IL20RB: variants seen among roughly 807,000 people sequenced by gnomAD.
IL20RB encodes interleukin 20 receptor subunit beta.
Under a neutral mutation model 33.3 loss-of-function variants are expected in IL20RB, and 21 were observed. That is an observed-to-expected ratio of 0.63 (90% CI 0.45 to 0.91). IL20RB has a LOEUF of 0.91. Ranked by LOEUF, IL20RB falls within the 40% of genes least tolerant of loss-of-function variation. The pLI, the probability that IL20RB is intolerant of heterozygous loss-of-function variation, is 0.00. For synonymous variants in IL20RB, 147 were observed against 146.8 expected (o/e 1.00, Z -0.01); for missense variants, 345 against 384.8 (o/e 0.90, Z 0.86).
chr3:136,980,668 C>T, intron 2 of IL20RB, 76 bp downstream of exon 2: 4 of 1,539,678 alleles, frequency 2.6e-6, no homozygotes, highest in Non-Finnish European at 3.6e-6. Context: ...TCCTCCTGAG[C>T]CCAAGGTGGC....
chr3:136,984,719 G>T (rs1443112556), intron 3 of IL20RB, among the ~76,000 whole-genome samples: 3 of 152,108 alleles, frequency 2.0e-5, no homozygotes, highest in Non-Finnish European at 4.4e-5. Flanking sequence ...GGTGCAGATT[G>T]TGGGCTCCTT....
chr3:137,004,212 T>G (rs1239311831), intron 6 of IL20RB, among the ~76,000 whole-genome samples: 1 of 152,192 alleles, frequency 6.6e-6, no homozygotes, highest in Non-Finnish European at 1.5e-5. Flanking sequence ...GGGATATTGG[T>G]CTAAAATTCT....
chr3:137,005,440 T>C (rs773574885), intron 6 of IL20RB, among the ~76,000 whole-genome samples: 21 of 152,238 alleles, frequency 1.4e-4, no homozygotes, highest in Non-Finnish European at 2.2e-4. Context: ...TTTATGAATC[T>C]GGGTGCTCCT....
intron 3 of IL20RB, among the ~76,000 whole-genome samples, chr3:136,988,761 G>GA (rs1310813583): frequency 7.9e-4 from 116 of 147,120 alleles, no homozygotes; most frequent in South Asian, 6.2e-3. Context: ...AAAGAAACAA[G>GA]AAAAAAAAAA....
At chr3:136,960,951 C>A (rs891460917) in intron 1 of IL20RB, among the ~76,000 whole-genome samples, 2 of 152,198 alleles carry the variant, frequency 1.3e-5, no homozygotes, top group Non-Finnish European at 2.9e-5. Flanking sequence ...GCCCACTGAG[C>A]GTCCTTCAGA....
chr3:136,960,658 A>G (rs1941194343), intron 1 of IL20RB, among the ~76,000 whole-genome samples: 1 of 152,204 alleles, frequency 6.6e-6, no homozygotes, highest in Non-Finnish European at 1.5e-5. Context: ...CATTCCACAC[A>G]TTAGGGATAG....
At chr3:136,990,811 C>A (rs930627459) in intron 4 of IL20RB, among the ~76,000 whole-genome samples, 1 of 140,936 alleles carries the variant, frequency 7.1e-6, no homozygotes, top group African/African-American at 2.6e-5. Flanking sequence ...TGGGCAGGTA[C>A]AACACTGGGT....
At chr3:136,982,021 G>A (rs916816912) in intron 2 of IL20RB, 139 bp from the exon 3 acceptor site, 3 of 517,482 alleles carry the variant, frequency 5.8e-6, no homozygotes. Flanking sequence ...AGGGAGGAGA[G>A]TGGAGGAGCT....
At chr3:136,993,746 C>T (rs1942076212) in intron 5 of IL20RB, among the ~76,000 whole-genome samples, 1 of 152,130 alleles carries the variant, frequency 6.6e-6, no homozygotes, top group African/African-American at 2.4e-5. Context: ...GGTGTGGTGG[C>T]TCATGCCTGT....
chr3:136,997,481 T>G (rs1182048279), intron 6 of IL20RB, among the ~76,000 whole-genome samples: 1 of 152,204 alleles, frequency 6.6e-6, no homozygotes, highest in African/African-American at 2.4e-5. Flanking sequence ...TGTATTCAGA[T>G]TTTGTTATGA....
chr3:136,991,051 C>T (rs1942022168), intron 4 of IL20RB, among the ~76,000 whole-genome samples: 1 of 152,192 alleles, frequency 6.6e-6, no homozygotes, highest in African/African-American at 2.4e-5. Flanking sequence ...CAAGCCTCCA[C>T]AGGATCAGAT....
At position 136,982,321 on chromosome 3, in the gene IL20RB, T is replaced by C; in HGVS notation, c.377T>C (p.Ile126Thr). The C allele has an allele frequency of 6.3e-7, 1 of 1,599,644 alleles. No homozygotes were observed. Among genetic ancestry groups the C allele is most frequent in the Non-Finnish European group, 8.6e-7 (1 of 1,169,288 alleles). Residue 126 changes from isoleucine to threonine, a missense_variant, in exon 3 of 7, where the codon ATC (isoleucine) becomes ACC (threonine). By Grantham distance (89) the Ile-to-Thr change is moderately conservative. Transcript: ENST00000329582. The part of the protein sequence containing the change: ...TLGSQTSAWS[I>T]LKHPFNRNST... ...GGCTCACAGACCTCAGCCTGGAGCA[T>C]CCTGAAGCATCCCTTTAATAGAAAC... is the stretch of plus-strand genomic sequence containing the variant.
chr3:136,972,495 G>A (rs937901118), intron 1 of IL20RB, among the ~76,000 whole-genome samples: 5 of 152,018 alleles, frequency 3.3e-5, no homozygotes, highest in East Asian at 1.9e-4. Flanking sequence ...ATTATCCATC[G>A]TTAAGGTTTT....
chr3:136,987,265 C>T (rs1213002443), intron 3 of IL20RB, among the ~76,000 whole-genome samples: 7 of 151,856 alleles, frequency 4.6e-5, no homozygotes, highest in African/African-American at 1.7e-4. Flanking sequence ...GAGCTAGACA[C>T]AAAGGTTCTC....
intron 2 of IL20RB, 172 bp from the exon 3 acceptor site, chr3:136,981,988 G>T (rs1026308502): frequency 6.8e-6 from 3 of 441,198 alleles, no homozygotes; most frequent in Admixed American, 7.9e-5. Context: ...AATAAAAGGA[G>T]TAAGGGACGA....
At position 136,999,210 on chromosome 3, in the gene IL20RB, C is replaced by T. The variant is rs59964092; in HGVS notation, c.825+3654C>T. ...CTTCTGGGTTCAAGTGATCCTCCCACTTCAGCCTCTTGAGTAGTTGGGACT... is the reference window on the plus strand; with the variant it reads ...CTTCTGGGTTCAAGTGATCCTCCCATTTCAGCCTCTTGAGTAGTTGGGACT... On this transcript the variant is annotated intron_variant, in intron 6 of 6. Transcript: ENST00000329582. Among the ~76,000 whole-genome samples the T allele has an allele frequency of 5.1e-3, 776 of 152,202 alleles. 9 individuals carry two copies. Among genetic ancestry groups the T allele is most frequent in the African/African-American group, 0.018 (754 of 41,514 alleles).
chr3:136,989,440 G>A lies in IL20RB; in HGVS notation c.407-1G>A, dbSNP rs189636171. On this transcript the variant is annotated splice_acceptor_variant, in intron 3 of 6. Transcript: ENST00000329582. LOFTEE classifies it high-confidence loss of function. ...TGACTCTCCTGTTGTCTTGCCAACAGCCATCCTTACCCGACCTGGGATGGA... is the reference window on the plus strand; with the variant it reads ...TGACTCTCCTGTTGTCTTGCCAACAACCATCCTTACCCGACCTGGGATGGA... 111 of 1,613,560 alleles carry A rather than the reference G, an allele frequency of 6.9e-5. No homozygotes were observed. In the Middle Eastern group the frequency reaches 1.5e-3, roughly 22 times the overall value.
chr3:136,985,986 T>A (rs1034641754), intron 3 of IL20RB, among the ~76,000 whole-genome samples: 10 of 152,178 alleles, frequency 6.6e-5, no homozygotes, highest in Admixed American at 5.9e-4. Context: ...CTGGGCATGG[T>A]GGCTCATGCC....
Position 137,010,327 on chromosome 3 carries a change from G to C in IL20RB, c.*104G>C, listed in dbSNP as rs930387446. 1.9e-5 allele frequency: 13 copies of C among 692,908 alleles called. No homozygotes were observed. The highest frequency in any genetic ancestry group is 2.9e-5 in the Non-Finnish European group (11 of 377,000). 42.9% of individuals were successfully genotyped at this position (692,908 alleles called of 1,614,324 possible). ...GTTTTCCGCCACGGACAAGGGATGAGAGAAGTAGGAAGAGCCTGTTGTCTA... is the reference window on the plus strand; with the variant it reads ...GTTTTCCGCCACGGACAAGGGATGACAGAAGTAGGAAGAGCCTGTTGTCTA... On this transcript the variant is annotated 3_prime_UTR_variant, in exon 7 of 7. Transcript: ENST00000329582.
Sources: allele counts gnomAD v4.1 joint callset (sites outside exome capture counted in the v4.1 genomes callset), GRCh38; gene constraint gnomAD v4.1.1; transcripts MANE v1.5; gene names NCBI Gene and HGNC (gene_info 2026-07-23, HGNC 2026-07-21).